TRABD2B: variants seen among roughly 807,000 people sequenced by gnomAD.
TRABD2B encodes TraB domain containing 2B.
A neutral mutation model predicts 40.1 loss-of-function variants in TRABD2B; 14 were observed. The observed-to-expected ratio is 0.35, with a 90% CI of 0.23 to 0.55. TRABD2B has a LOEUF of 0.55. TRABD2B is among the 20% of genes least tolerant of loss of function. TRABD2B has a pLI of 0.90. For synonymous variants in TRABD2B, 263 were observed against 277.0 expected (o/e 0.95, Z 0.50); for missense variants, 541 against 648.6 (o/e 0.83, Z 1.80).
chr1:47,826,761 C>A (rs1318505059), intron 2 of TRABD2B, among the ~76,000 whole-genome samples: 1 of 152,070 alleles, frequency 6.6e-6, no homozygotes, highest in Admixed American at 6.5e-5. Flanking sequence ...TTAGTGGAGA[C>A]GTGATCTTGT....
intron 2 of TRABD2B, among the ~76,000 whole-genome samples, chr1:47,844,845 A>T (rs935418182): frequency 2.6e-5 from 4 of 152,168 alleles, no homozygotes; most frequent in Admixed American, 6.5e-5. Flanking sequence ...AGATCCTTTG[A>T]CTTAGACACT....
intron 2 of TRABD2B, among the ~76,000 whole-genome samples, chr1:47,865,883 T>C (rs1044974171): frequency 6.6e-6 from 1 of 152,116 alleles, no homozygotes; most frequent in South Asian, 2.1e-4. Context: ...CAGTTGAGCC[T>C]GGGTTCCCAT....
At chr1:47,911,734 A>G (rs1644765526) in intron 2 of TRABD2B, among the ~76,000 whole-genome samples, 1 of 152,178 alleles carries the variant, frequency 6.6e-6, no homozygotes, top group African/African-American at 2.4e-5. Flanking sequence ...TATGCTTTCT[A>G]TGCTGTCTGT....
chr1:47,919,939 G>A (rs1209838789), intron 2 of TRABD2B, among the ~76,000 whole-genome samples: 1 of 152,234 alleles, frequency 6.6e-6, no homozygotes, highest in Non-Finnish European at 1.5e-5. Flanking sequence ...CTGAGCATTA[G>A]TGATTGTTCC....
chr1:47,833,323 T>C (rs980713849), intron 2 of TRABD2B, among the ~76,000 whole-genome samples: 3 of 152,002 alleles, frequency 2.0e-5, no homozygotes, highest in Admixed American at 2.0e-4. Context: ...AGATGTGGAG[T>C]TAAGATAAAG....
chr1:47,792,444 G>C (rs1280109468), intron 4 of TRABD2B, among the ~76,000 whole-genome samples: 1 of 152,228 alleles, frequency 6.6e-6, no homozygotes, highest in Non-Finnish European at 1.5e-5. Flanking sequence ...GAGGGGAGGA[G>C]GCTGGGACTG....
chr1:47,941,413 TACATGTACAC>T (rs1404706129), intron 2 of TRABD2B, among the ~76,000 whole-genome samples: 16 of 152,128 alleles, frequency 1.1e-4, no homozygotes, highest in African/African-American at 3.6e-4. Flanking sequence ...CTCGCAGACA[TACATGTACAC>T]ACATATACAC....
chr1:47,983,213 A>G (rs1269206528), intron 2 of TRABD2B, among the ~76,000 whole-genome samples: 1 of 152,226 alleles, frequency 6.6e-6, no homozygotes, highest in African/African-American at 2.4e-5. Context: ...TATTACCCTC[A>G]GCAAACTAAC....
chr1:47,955,755 C>T (rs1645411184), intron 2 of TRABD2B, among the ~76,000 whole-genome samples: 2 of 152,284 alleles, frequency 1.3e-5, no homozygotes, highest in South Asian at 2.1e-4. Context: ...CTCCAGGACC[C>T]CCTCCCATCC....
intron 2 of TRABD2B, among the ~76,000 whole-genome samples, chr1:47,917,387 C>T (rs1644844068): frequency 6.6e-6 from 1 of 152,108 alleles, no homozygotes; most frequent in South Asian, 2.1e-4. Context: ...TTACCTCTGT[C>T]ACTCATGGGA....
chr1:47,873,111 A>G (rs1363395051), intron 2 of TRABD2B, among the ~76,000 whole-genome samples: 2 of 152,148 alleles, frequency 1.3e-5, no homozygotes, highest in Non-Finnish European at 2.9e-5. Context: ...CCGATCATTA[A>G]TCATTAACAA....
rs1326412709 is a variant in TRABD2B at position 47,811,184 on chromosome 1, G to A, written c.667-9565C>T. 4.6e-5 allele frequency among the ~76,000 whole-genome samples: 7 copies of A among 152,284 alleles called. No homozygotes were observed. In the South Asian group the frequency reaches 1.0e-3, roughly 23 times the overall value. ...ACGTGGGGGGAGCTGTGTTGATAAT[G>A]GAATCTAGGGAGGCAGGGGTGAAGC... is the stretch of plus-strand genomic sequence containing the variant. On this transcript the variant is annotated intron_variant, in intron 2 of 6. Transcript: ENST00000606738.
intron 2 of TRABD2B, among the ~76,000 whole-genome samples, chr1:47,811,810 G>A (rs1253702640): frequency 6.6e-6 from 1 of 152,212 alleles, no homozygotes; most frequent in Non-Finnish European, 1.5e-5. Flanking sequence ...CACTCTCTGG[G>A]CCACAGGGTT....
intron 2 of TRABD2B, among the ~76,000 whole-genome samples, chr1:47,920,692 A>G (rs908212127): frequency 5.9e-5 from 9 of 152,332 alleles, no homozygotes; most frequent in East Asian, 1.9e-4. Context: ...CCTGTCCCCT[A>G]TCCTGAGCTG....
chr1:47,845,139 A>G (rs1393322637), intron 2 of TRABD2B, among the ~76,000 whole-genome samples: 1 of 152,082 alleles, frequency 6.6e-6, no homozygotes, highest in Non-Finnish European at 1.5e-5. Flanking sequence ...CTGTGTTCCA[A>G]TGACTATGCC....
intron 2 of TRABD2B, among the ~76,000 whole-genome samples, chr1:47,809,405 C>T (rs61257130): frequency 0.057 from 8,615 of 152,122 alleles, 444 homozygotes; most frequent in East Asian, 0.16. Flanking sequence ...CCAAGTGAGT[C>T]GCCCGTCACA....
At chr1:47,985,159 A>C (rs552411792) in intron 2 of TRABD2B, among the ~76,000 whole-genome samples, 1 of 152,150 alleles carries the variant, frequency 6.6e-6, no homozygotes. Flanking sequence ...GGTTACTTAC[A>C]CTCCCGATAA....
At chr1:47,821,692 C>A (rs1478652591) in intron 2 of TRABD2B, among the ~76,000 whole-genome samples, 6 of 152,164 alleles carry the variant, frequency 3.9e-5, no homozygotes, top group Non-Finnish European at 7.4e-5. Context: ...AGCCCAGTAG[C>A]CCCTTAGAAC....
chr1:47,923,383 C>A (rs1644926551), intron 2 of TRABD2B, among the ~76,000 whole-genome samples: 1 of 152,244 alleles, frequency 6.6e-6, no homozygotes, highest in Non-Finnish European at 1.5e-5. Flanking sequence ...GTATCTTCAG[C>A]ACCTAACTGT....
Sources: gnomAD v4.1 joint callset for allele counts (sites outside exome capture counted in the v4.1 genomes callset) on GRCh38, gnomAD v4.1.1 for gene constraint, MANE v1.5 for transcripts, NCBI Gene and HGNC (gene_info 2026-07-23, HGNC 2026-07-21) for gene names.